The following LAMA2 variants were observed in gnomAD, a reference collection of about 807,000 sequenced individuals.
The protein encoded by LAMA2 is laminin subunit alpha 2.
In LAMA2, 269 loss-of-function variants were observed where a neutral mutation model predicts 364.8. The observed-to-expected ratio is 0.74, with a 90% CI of 0.67 to 0.82. The LOEUF (loss-of-function observed/expected upper bound fraction) is 0.82, where lower values mean the gene tolerates loss of function less well. Ranked by LOEUF, LAMA2 falls within the 40% of genes least tolerant of loss-of-function variation. The pLI, the probability that LAMA2 is intolerant of heterozygous loss-of-function variation, is 0.00. For missense variants in LAMA2, 3,807 were observed against 3,873.2 expected, an observed-to-expected ratio of 0.98 and a Z score of 0.45; for synonymous variants, 1,379 against 1,370.6, an observed-to-expected ratio of 1.01 and a Z score of -0.14.
chr6:129,096,890 G>A (rs756791066), intron 3 of LAMA2, among the ~76,000 whole-genome samples: 8 of 152,244 alleles, frequency 5.3e-5, no homozygotes, highest in Non-Finnish European at 1.0e-4. Context: ...CTGTATTACC[G>A]CATTCCATAC....
chr6:128,980,495 T>C (rs1782795896), intron 1 of LAMA2, among the ~76,000 whole-genome samples: 1 of 152,144 alleles, frequency 6.6e-6, no homozygotes, highest in East Asian at 1.9e-4. Context: ...GTGTGAAAAA[T>C]AAATCACTTT....
intron 62 of LAMA2, among the ~76,000 whole-genome samples, chr6:129,508,787 G>A (rs1786324618): frequency 6.6e-6 from 1 of 152,130 alleles, no homozygotes; most frequent in African/African-American, 2.4e-5. Context: ...CACTTAGGTG[G>A]CTTCCAAATC....
At chr6:129,188,999 G>C (rs1781383036) in intron 10 of LAMA2, among the ~76,000 whole-genome samples, 2 of 151,984 alleles carry the variant, frequency 1.3e-5, no homozygotes, top group South Asian at 4.1e-4. Flanking sequence ...AAACATGACT[G>C]CCAAGAGATT....
intron 44 of LAMA2, among the ~76,000 whole-genome samples, chr6:129,443,327 A>AAG (rs1386194761): frequency 6.6e-6 from 1 of 152,206 alleles, no homozygotes; most frequent in African/African-American, 2.4e-5. Context: ...CTCATACTCT[A>AAG]ACCCCAGAAA....
At chr6:129,226,494 A>G (rs9483001) in intron 12 of LAMA2, among the ~76,000 whole-genome samples, 20,155 of 151,852 alleles carry the variant, frequency 0.13, 3,316 homozygotes, top group African/African-American at 0.39. Context: ...CATGTTTAGC[A>G]CTTCCTTCAG....
chr6:129,047,031 A>G (rs1433880899), intron 1 of LAMA2, among the ~76,000 whole-genome samples: 1 of 152,220 alleles, frequency 6.6e-6, no homozygotes, highest in Non-Finnish European at 1.5e-5. Flanking sequence ...AGATATACAG[A>G]CAAACTTTAT....
intron 23 of LAMA2, among the ~76,000 whole-genome samples, chr6:129,313,301 CA>C (rs1198766988): frequency 6.6e-6 from 1 of 152,144 alleles, no homozygotes; most frequent in Non-Finnish European, 1.5e-5. Flanking sequence ...AGCTTATTTT[CA>C]ACCCAAACCC....
At chr6:128,984,853 C>T (rs964852257) in intron 1 of LAMA2, among the ~76,000 whole-genome samples, 1 of 152,076 alleles carries the variant, frequency 6.6e-6, no homozygotes, top group Non-Finnish European at 1.5e-5. Context: ...TCCATGTATC[C>T]ACCCTGGGAA....
intron 1 of LAMA2, among the ~76,000 whole-genome samples, chr6:129,039,406 A>G (rs974733500): frequency 2.0e-5 from 3 of 152,218 alleles, no homozygotes; most frequent in Non-Finnish European, 2.9e-5. Context: ...ATGAAGGAGG[A>G]TAGCAACAGA....
intron 8 of LAMA2, chr6:129,158,808 C>G: frequency 1.9e-6 from 3 of 1,614,162 alleles, no homozygotes; most frequent in South Asian, 1.1e-5. Context: ...AAATCAGATC[C>G]TTCATATTTC....
intron 7 of LAMA2, 147 bp from the exon 8 acceptor site, chr6:129,154,358 G>T: frequency 1.5e-6 from 1 of 651,158 alleles, no homozygotes; most frequent in South Asian, 1.7e-5. Context: ...GTTGCAGTGA[G>T]CCGAGATCGT....
At chr6:129,475,602 T>A (rs1343159475) in intron 53 of LAMA2, among the ~76,000 whole-genome samples, 1 of 151,730 alleles carries the variant, frequency 6.6e-6, no homozygotes, top group Non-Finnish European at 1.5e-5. Context: ...CCACCATCAG[T>A]TGGGCTGCAA....
At chr6:129,010,607 G>T (rs1390594345) in intron 1 of LAMA2, among the ~76,000 whole-genome samples, 1 of 152,190 alleles carries the variant, frequency 6.6e-6, no homozygotes, top group East Asian at 1.9e-4. Context: ...TACCCTTCCT[G>T]GTATAGAATG....
At chr6:129,346,649 G>A (rs1402659185) in intron 30 of LAMA2, among the ~76,000 whole-genome samples, 2 of 152,152 alleles carry the variant, frequency 1.3e-5, no homozygotes, top group Non-Finnish European at 2.9e-5. Flanking sequence ...AAGTTAATGA[G>A]GGCCCAACTC....
chr6:128,888,129 A>C (rs1434590262), intron 1 of LAMA2, among the ~76,000 whole-genome samples: 2 of 152,190 alleles, frequency 1.3e-5, no homozygotes, highest in Non-Finnish European at 2.9e-5. Flanking sequence ...CGTTTCAGTA[A>C]ATGAGAAAAC....
At chr6:129,369,372 G>C (rs1211473978) in intron 33 of LAMA2, among the ~76,000 whole-genome samples, 1 of 152,172 alleles carries the variant, frequency 6.6e-6, no homozygotes, top group Non-Finnish European at 1.5e-5. Flanking sequence ...TGGCCCTGCT[G>C]TTAGGCCAGT....
At chr6:129,411,470 G>GA (rs901406520) in intron 40 of LAMA2, among the ~76,000 whole-genome samples, 89 of 152,200 alleles carry the variant, frequency 5.8e-4, no homozygotes, top group African/African-American at 2.1e-3. Flanking sequence ...GAGAAGCCTA[G>GA]AAAAAATAAC....
At chr6:128,939,307 G>A (rs999273620) in intron 1 of LAMA2, among the ~76,000 whole-genome samples, 18 of 151,458 alleles carry the variant, frequency 1.2e-4, no homozygotes, top group African/African-American at 4.1e-4. Context: ...AGTTTATCCT[G>A]GAGGAAAGCA....
At chr6:128,967,760 AT>A (rs1396182528) in intron 1 of LAMA2, among the ~76,000 whole-genome samples, 1 of 152,146 alleles carries the variant, frequency 6.6e-6, no homozygotes, top group African/African-American at 2.4e-5. Context: ...TGCTCAGGGG[AT>A]GATGAAAATT....
Sources: gnomAD v4.1 joint callset for allele counts (sites outside exome capture counted in the v4.1 genomes callset) on GRCh38, gnomAD v4.1.1 for gene constraint, MANE v1.5 for transcripts, NCBI Gene and HGNC (gene_info 2026-07-23, HGNC 2026-07-21) for gene names.